Variants in PHF11 observed in about 807,000 individuals in gnomAD.
PHF11 encodes BRCA1 C-terminus-associated protein.
PHF11 carries 38 observed loss-of-function variants against 40.5 expected under a neutral mutation model. That is an observed-to-expected ratio of 0.94 (90% CI 0.72 to 1.23). The LOEUF is 1.23. PHF11 is among the 50% of genes most tolerant of loss of function. PHF11 has a pLI of 0.00. For missense variants in PHF11, 369 were observed against 392.4 expected (o/e 0.94, Z 0.50); for synonymous variants, 127 against 138.2 (o/e 0.92, Z 0.57).
chr13:49,510,246 C>T (rs1038259998), intron 2 of PHF11, among the ~76,000 whole-genome samples: 2 of 151,982 alleles, frequency 1.3e-5, no homozygotes, highest in Non-Finnish European at 2.9e-5. Flanking sequence ...GGTTGGTATC[C>T]AACCCCTGGG....
intron 1 of PHF11, among the ~76,000 whole-genome samples, chr13:49,499,405 C>T (rs1276067668): frequency 6.6e-6 from 1 of 152,182 alleles, no homozygotes; most frequent in African/African-American, 2.4e-5. Flanking sequence ...TCCTTAGGCT[C>T]CCCATGGTCC....
intron 2 of PHF11, 21 bp from the exon 3 acceptor site, chr13:49,513,038 A>ATT: frequency 8.3e-7 from 1 of 1,199,262 alleles, no homozygotes; most frequent in Non-Finnish European, 1.2e-6. Context: ...CATACTCTGG[A>ATT]TTTTTTTTTC....
intron 1 of PHF11, chr13:49,496,513 C>A: frequency 1.1e-6 from 1 of 914,348 alleles, no homozygotes; most frequent in Non-Finnish European, 1.3e-6. Flanking sequence ...GAGGGAAGAG[C>A]TGGGTCTCAC....
intron 2 of PHF11, among the ~76,000 whole-genome samples, chr13:49,507,175 G>A (rs1366955316): frequency 6.6e-6 from 1 of 152,006 alleles, no homozygotes; most frequent in East Asian, 1.9e-4. Flanking sequence ...AAAGTGCTGG[G>A]ATTACAGGTG....
At position 49,513,124 on chromosome 13, in the gene PHF11, T is replaced by C; in HGVS notation, c.282T>C (p.Asp94=). The C allele has an allele frequency of 6.3e-7, 1 of 1,597,032 alleles. No individual in the cohort carries two copies. Among genetic ancestry groups the C allele is most frequent in the East Asian group, 2.2e-5 (1 of 44,780 alleles). Residue 94 remains aspartate (D), a synonymous_variant, in exon 3 of 10, where the codon GAT becomes GAC. Transcript: ENST00000378319. The part of the protein sequence containing the change: ...QDPLNPDRSF[D]VESVKKEIQR... The stretch of plus-strand genomic sequence containing the variant: ...CACTTAATCCTGATAGAAGTTTTGA[T>C]GTGGAATCAGTAAAGAAAGAAATCC...
intron 1 of PHF11, among the ~76,000 whole-genome samples, chr13:49,498,350 A>C (rs1198791331): frequency 6.6e-6 from 1 of 152,206 alleles, no homozygotes; most frequent in Non-Finnish European, 1.5e-5. Flanking sequence ...CATTTCCGGT[A>C]GATCATTCTG....
chr13:49,522,249 C>A, intron 6 of PHF11, 142 bp downstream of exon 6: 1 of 503,966 alleles, frequency 2.0e-6, no homozygotes. Context: ...GTGTTCTCAG[C>A]TAAGGCTGCT....
intron 4 of PHF11, chr13:49,518,795 A>G (rs1959173271): frequency 6.6e-6 from 1 of 151,268 alleles, no homozygotes; most frequent in South Asian, 2.1e-4. Flanking sequence ...ATTCTAAAAC[A>G]AGAGGGCAAG....
At chr13:49,497,176 C>T (rs1958826823) in intron 1 of PHF11, 1 of 1,289,440 alleles carries the variant, frequency 7.8e-7, no homozygotes, top group Non-Finnish European at 1.0e-6. Flanking sequence ...ACAAGCCAAT[C>T]AGTTGGATAT....
In PHF11 at chr13:49,520,885, A is replaced by G. The variant is rs1449657739; in HGVS notation, c.459-9A>G. 6.5e-7 allele frequency: 1 copy of G among 1,534,272 alleles called. No homozygotes were observed. Among genetic ancestry groups the G allele is most frequent in the South Asian group, 1.2e-5 (1 of 82,308 alleles). On this transcript the variant is annotated splice_polypyrimidine_tract_variant and intron_variant, in intron 4 of 9. Transcript: ENST00000378319. ...ATATTTTACAATTCTTTGAAATTAA[A>G]TATTTCAGACTGCTTTGCCAGCAAC...
intron 8 of PHF11, among the ~76,000 whole-genome samples, chr13:49,524,974 T>G (rs910187682): frequency 2.0e-5 from 3 of 152,182 alleles, no homozygotes; most frequent in Admixed American, 6.5e-5. Flanking sequence ...CGGTCACATA[T>G]GCTCCCCTGC....
chr13:49,508,211 G>T (rs895610986), intron 2 of PHF11, among the ~76,000 whole-genome samples: 1 of 138,768 alleles, frequency 7.2e-6, no homozygotes, highest in Non-Finnish European at 1.6e-5. Context: ...TTATTAATGT[G>T]TTATGTATTA....
Position 49,528,721 on chromosome 13 carries a change from A to G in PHF11, c.*56A>G, listed in dbSNP as rs919764929. 1 of 1,313,076 alleles carries G rather than the reference A, an allele frequency of 7.6e-7. No individual in the cohort carries two copies. The highest frequency in any genetic ancestry group is 1.1e-6 in the Non-Finnish European group (1 of 938,738). 81.3% of individuals were successfully genotyped at this position (1,313,076 alleles called of 1,614,324 possible). A position where few individuals can be genotyped will look rare whatever the true frequency, so the allele number is the denominator to read the frequency against. On this transcript the variant is annotated 3_prime_UTR_variant, in exon 10 of 10. Coordinates refer to ENST00000378319, the MANE Select transcript of PHF11 (RefSeq NM_001040443.3). ...TCAAATTGCAATCAGGCTCAAAACCAGAGACCAGGCTGTGAAATCCACACA... is the reference window on the plus strand; with the variant it reads ...TCAAATTGCAATCAGGCTCAAAACCGGAGACCAGGCTGTGAAATCCACACA...
rs1241853224 is a variant in PHF11, at chr13:49,522,099, C to G, written c.562C>G (p.His188Asp). The change falls in exon 6 of 10, where the codon CAT (histidine) becomes GAT (aspartate). Residue 188 changes from histidine (H) to aspartate (D), a missense_variant. His to Asp is a moderately conservative substitution (Grantham distance 81, BLOSUM62 -1). Transcript: ENST00000378319. ...RGRKKPLSGN[H>D]VQPPETMKCN... ...AAGGAAGAAACCCCTCTCAGGCAAT[C>G]ATGTACAGGTAATTTGACTTAGTTT... is the stretch of plus-strand genomic sequence containing the variant. The G allele has an allele frequency of 2.0e-6, 3 of 1,534,038 alleles. No individual in the cohort carries two copies. Among genetic ancestry groups the G allele is most frequent in the Non-Finnish European group, 2.7e-6 (3 of 1,109,922 alleles).
rs1169962633 is a variant in PHF11, at chr13:49,506,898, C to CTTTTT, written c.216+161_216+165dup. On this transcript the variant is annotated intron_variant, in intron 2 of 9. Transcript: ENST00000378319. Reference sequence around the variant, plus strand: ...TTTAGGTGAAGATTGGGGAGCATTTCTTTTTTTTTTTTTTTTTTTTTTTGA... The same window carrying CTTTTT: ...TTTAGGTGAAGATTGGGGAGCATTTCTTTTTTTTTTTTTTTTTTTTTTTTTTTTGA... The CTTTTT allele has an allele frequency of 1.9e-3, 274 of 143,916 alleles. 2 individuals are homozygous for CTTTTT. Among genetic ancestry groups the CTTTTT allele is most frequent in the Middle Eastern group, 3.1e-3 (1 of 318 alleles). The allele number at this position is 143,916 out of a possible 1,614,324, so 8.9% of individuals were successfully genotyped here.
intron 4 of PHF11, among the ~76,000 whole-genome samples, chr13:49,520,028 A>G (rs940703924): frequency 6.6e-6 from 1 of 152,106 alleles, no homozygotes; most frequent in Non-Finnish European, 1.5e-5. Flanking sequence ...CAGCTCTATA[A>G]AACGATTCAC....
chr13:49,520,811 CG>C (rs1959184146), intron 4 of PHF11, 82 bp from the exon 5 acceptor site: 1 of 949,004 alleles, frequency 1.1e-6, no homozygotes, highest in Admixed American at 2.9e-5. Flanking sequence ...TAGGTTGGTA[CG>C]TTTTTAATCA....
chr13:49,496,272 T>A, intron 1 of PHF11, 177 bp downstream of exon 1: 1 of 668,346 alleles, frequency 1.5e-6, no homozygotes, highest in Non-Finnish European at 2.1e-6. Context: ...GCGTGCCTGT[T>A]GGTGGGGGAG....
chr13:49,518,260 T>A, intron 4 of PHF11, 109 bp downstream of exon 4: 1 of 732,472 alleles, frequency 1.4e-6, no homozygotes, highest in Non-Finnish European at 2.1e-6. Context: ...GGTTTTCAAA[T>A]GAGAACAAAG....
Sources: gnomAD v4.1 joint callset for allele counts (sites outside exome capture counted in the v4.1 genomes callset) on GRCh38, gnomAD v4.1.1 for gene constraint, MANE v1.5 for transcripts, NCBI Gene and HGNC (gene_info 2026-07-23, HGNC 2026-07-21) for gene names.